The following DCP1B variants were observed in gnomAD, a reference collection of about 807,000 sequenced individuals.
DCP1B encodes the protein decapping mRNA 1B.
A neutral mutation model predicts 60.5 loss-of-function variants in DCP1B; 47 were observed. That is an observed-to-expected ratio of 0.78 (90% CI 0.61 to 0.99). The LOEUF (loss-of-function observed/expected upper bound fraction) is 0.99, where lower values mean the gene tolerates loss of function less well. Among genes scored for constraint, DCP1B ranks in the 50% least tolerant of loss-of-function variants. The pLI is 0.00. For synonymous variants in DCP1B, 267 were observed against 280.3 expected, an observed-to-expected ratio of 0.95 and a Z score of 0.47; for missense variants, 725 against 756.8, an observed-to-expected ratio of 0.96 and a Z score of 0.49.
At chr12:1,984,560 C>T (rs2037094677) in intron 3 of DCP1B, among the ~76,000 whole-genome samples, 1 of 152,016 alleles carries the variant, frequency 6.6e-6, no homozygotes, top group African/African-American at 2.4e-5. Context: ...TCCGTATACA[C>T]TGAACCTCCT....
intron 3 of DCP1B, among the ~76,000 whole-genome samples, chr12:1,987,563 C>T (rs781589081): frequency 8.5e-5 from 13 of 152,254 alleles, no homozygotes; most frequent in Middle Eastern, 3.4e-3. Context: ...ATTACATCTA[C>T]GACAGTTCTT....
chr12:1,948,955 G>C lies in DCP1B; in HGVS notation c.1773+131C>G. 1 of 1,220,046 alleles carries C rather than the reference G, an allele frequency of 8.2e-7. No homozygotes were observed. The allele number at this position is 1,220,046 out of a possible 1,614,324, so 75.6% of individuals were successfully genotyped here. A position where few individuals can be genotyped will look rare whatever the true frequency, so the allele number is the denominator to read the frequency against. ...TGAGCACAGAAGCCGCTGGGGTCAG[G>C]ATGAGTTGTTACACACACCTGTTAT... On this transcript the variant is annotated intron_variant, in intron 8 of 8. Coordinates refer to ENST00000280665, the MANE Select transcript of DCP1B (RefSeq NM_152640.5). This position sits in a 1 kb window ranked among gnomAD's most constrained non-coding sequence, Gnocchi z 4.8.
chr12:1,983,234 T>C (rs201025301), intron 3 of DCP1B, among the ~76,000 whole-genome samples: 7 of 150,756 alleles, frequency 4.6e-5, no homozygotes, highest in African/African-American at 1.7e-4. Flanking sequence ...AGTTTTTTTG[T>C]TTTTTATCTC....
At chr12:2,000,135 C>T (rs1253019088) in intron 1 of DCP1B, among the ~76,000 whole-genome samples, 1 of 152,000 alleles carries the variant, frequency 6.6e-6, no homozygotes, top group Admixed American at 6.5e-5. Context: ...TTTGGCTGTC[C>T]CTAAAGTTTA....
intron 3 of DCP1B, 105 bp from the exon 4 acceptor site, chr12:1,968,015 G>C (rs1008128631): frequency 2.5e-5 from 22 of 887,366 alleles, no homozygotes; most frequent in Non-Finnish European, 3.4e-5. Context: ...GTGTTAAATT[G>C]ATTTATTCAA....
chr12:1,975,826 A>G (rs1313445164), intron 3 of DCP1B, among the ~76,000 whole-genome samples: 11 of 152,182 alleles, frequency 7.2e-5, no homozygotes, highest in African/African-American at 2.4e-4. Context: ...GTTAAGTTAC[A>G]TAAGAAATGT....
At chr12:1,972,663 CT>C (rs1299274126) in intron 3 of DCP1B, among the ~76,000 whole-genome samples, 4 of 152,162 alleles carry the variant, frequency 2.6e-5, no homozygotes, top group African/African-American at 9.7e-5. Context: ...TTCTCCCAGC[CT>C]TTCAAATGAA....
chr12:1,998,220 T>C (rs1297043456), intron 1 of DCP1B, among the ~76,000 whole-genome samples: 1 of 152,230 alleles, frequency 6.6e-6, no homozygotes, highest in Non-Finnish European at 1.5e-5. Context: ...TATCTCTCTT[T>C]ACCAAATACA....
At chr12:1,996,189 G>A (rs16928992) in intron 2 of DCP1B, among the ~76,000 whole-genome samples, 4,696 of 152,018 alleles carry the variant, frequency 0.031, 87 homozygotes, top group South Asian at 0.044. Context: ...GAACTAGTGC[G>A]TCCCCATGAA....
chr12:1,945,412 G>T (rs1484961463), downstream of DCP1B, among the ~76,000 whole-genome samples: 1 of 152,118 alleles, frequency 6.6e-6, no homozygotes, highest in East Asian at 1.9e-4. Flanking sequence ...ATTTGACCCA[G>T]CAATCCCATT....
intron 1 of DCP1B, among the ~76,000 whole-genome samples, chr12:2,000,752 C>T (rs577452190): frequency 1.8e-4 from 28 of 152,214 alleles, no homozygotes; most frequent in African/African-American, 6.5e-4. Context: ...AAAGAGATAA[C>T]CAGGCCGGGC....
At chr12:1,967,119 T>C (rs1272466498) in intron 4 of DCP1B, among the ~76,000 whole-genome samples, 1 of 152,172 alleles carries the variant, frequency 6.6e-6, no homozygotes, top group Non-Finnish European at 1.5e-5. Context: ...GGCTCAAAAA[T>C]TGATCAGTCA....
chr12:1,969,221 G>C (rs929797645), intron 3 of DCP1B, among the ~76,000 whole-genome samples: 24 of 152,042 alleles, frequency 1.6e-4, no homozygotes, highest in Non-Finnish European at 2.9e-5. Context: ...CCTCTTACCT[G>C]ACCAATGTCT....
intron 5 of DCP1B, among the ~76,000 whole-genome samples, chr12:1,961,917 G>A (rs2031140555): frequency 6.6e-6 from 1 of 152,140 alleles, no homozygotes; most frequent in Admixed American, 6.5e-5. Context: ...TCTTTTATGT[G>A]ATGGTCACTC....
intron 5 of DCP1B, among the ~76,000 whole-genome samples, chr12:1,960,647 CATAA>C (rs1323003686): frequency 2.6e-5 from 4 of 152,080 alleles, no homozygotes; most frequent in African/African-American, 7.2e-5. Context: ...GTATACCATA[CATAA>C]ATATATACAA....
At chr12:1,947,938 C>T (rs899461083) in intron 8 of DCP1B, among the ~76,000 whole-genome samples, 1 of 152,166 alleles carries the variant, frequency 6.6e-6, no homozygotes, top group Non-Finnish European at 1.5e-5. Context: ...GCTGGGATTA[C>T]AGGCGTGAGC....
At chr12:1,959,168 T>C (rs1455582449) in intron 5 of DCP1B, among the ~76,000 whole-genome samples, 10 of 148,060 alleles carry the variant, frequency 6.8e-5, no homozygotes, top group South Asian at 4.4e-4. Context: ...AAAAGCTCCC[T>C]AACGTTGCTC....
Position 2,000,399 on chromosome 12 carries a change from C to T in DCP1B, c.151-2424G>A, listed in dbSNP as rs947709495. 2.0e-5 allele frequency among the ~76,000 whole-genome samples: 3 copies of T among 151,858 alleles called. No homozygotes were observed. The East Asian group carries it at 5.8e-4, about 29-fold the overall frequency. ...ATAAGGATATCTATATATATCAGCA[C>T]ACATAAAACTAAATAGCTTCTGACT... On this transcript the variant is annotated intron_variant, in intron 1 of 8. Transcript: ENST00000280665.
chr12:1,944,371 T>C (rs965813321), downstream of DCP1B, among the ~76,000 whole-genome samples: 2 of 152,190 alleles, frequency 1.3e-5, no homozygotes, highest in South Asian at 4.1e-4. Flanking sequence ...AAGTAATTTA[T>C]AGATTCAATG....
Sources: allele counts gnomAD v4.1 joint callset (sites outside exome capture counted in the v4.1 genomes callset), GRCh38; gene constraint gnomAD v4.1.1; non-coding constraint Gnocchi (gnomAD v3.1); transcripts MANE v1.5; gene names NCBI Gene and HGNC (gene_info 2026-07-23, HGNC 2026-07-21).